Variants in ZNF846 observed in about 807,000 individuals in gnomAD.
ZNF846 encodes the protein zinc finger protein 420 pseudogene.
A neutral mutation model predicts 16.0 loss-of-function variants in ZNF846; 15 were observed. The observed-to-expected ratio is 0.94, with a 90% CI of 0.63 to 1.45. The LOEUF (loss-of-function observed/expected upper bound fraction) is 1.45. ZNF846 is among the 40% of genes most tolerant of loss of function. The pLI is 0.00. For synonymous variants in ZNF846, 229 were observed against 212.0 expected, an observed-to-expected ratio of 1.08 and a Z score of -0.70; for missense variants, 714 against 622.3, an observed-to-expected ratio of 1.15 and a Z score of -1.57.
intron 3 of ZNF846, 157 bp from the exon 4 acceptor site, chr19:9,762,325 C>T (rs776258437): frequency 3.3e-6 from 2 of 607,788 alleles, no homozygotes; most frequent in Admixed American, 5.9e-5. Flanking sequence ...AATACATGCA[C>T]TAAAACTATT....
upstream of ZNF846, among the ~76,000 whole-genome samples, chr19:9,771,602 G>C (rs2045391426): frequency 6.6e-6 from 1 of 152,092 alleles, no homozygotes. Context: ...CTCTATCCAG[G>C]TTGCTCAGAA....
chr19:9,756,676 T>G (rs184365530), downstream of ZNF846: 54 of 151,612 alleles, frequency 3.6e-4, 2 homozygotes, highest in African/African-American at 1.1e-3. Context: ...TTAAAAGGCA[T>G]AAGTGAAGAT....
At chr19:9,762,232 G>A in intron 3 of ZNF846, 64 bp from the exon 4 acceptor site, 1 of 1,278,990 alleles carries the variant, frequency 7.8e-7, no homozygotes, top group Non-Finnish European at 1.1e-6. Flanking sequence ...CCTTCAATGG[G>A]GAACCAATAC....
chr19:9,763,324 T>C, exon 3 of ZNF846: 3 of 1,611,602 alleles, frequency 1.9e-6, no homozygotes, highest in East Asian at 2.2e-5. Context: ...ATCACATCTC[T>C]GTAGAGATCT....
chr19:9,761,246 C>T (rs886105871), intron 4 of ZNF846, among the ~76,000 whole-genome samples: 2 of 151,734 alleles, frequency 1.3e-5, no homozygotes, highest in Non-Finnish European at 2.9e-5. Context: ...CTAAAAAGAG[C>T]TGATAGCTAC....
intron 4 of ZNF846, among the ~76,000 whole-genome samples, chr19:9,760,280 A>G (rs1460870617): frequency 6.8e-6 from 1 of 146,264 alleles, no homozygotes; most frequent in Non-Finnish European, 1.5e-5. Context: ...CTACAGAGCA[A>G]GACTTCGTCT....
chr19:9,773,307 G>A (rs988828419), upstream of ZNF846, among the ~76,000 whole-genome samples: 3 of 152,022 alleles, frequency 2.0e-5, no homozygotes, highest in Non-Finnish European at 4.4e-5. Context: ...GGCTATAGGC[G>A]TGCAACACCA....
chr19:9,774,613 T>A, intron 1 of ZNF846: 1 of 1,492,956 alleles, frequency 6.7e-7, no homozygotes. Context: ...AAGGGCTTAT[T>A]GTTCCTGACA....
intron 1 of ZNF846, among the ~76,000 whole-genome samples, chr19:9,781,432 T>C (rs528818916): frequency 6.6e-6 from 1 of 152,272 alleles, no homozygotes; most frequent in Non-Finnish European, 1.5e-5. Flanking sequence ...CACCCACTGT[T>C]AGGTGCACTC....
chr19:9,750,280 C>T (rs542855649), downstream of ZNF846, among the ~76,000 whole-genome samples: 3 of 152,280 alleles, frequency 2.0e-5, no homozygotes, highest in African/African-American at 7.2e-5. Flanking sequence ...CCTCCTCTTG[C>T]TTGCTTATAC....
chr19:9,765,322 C>T (rs942750956), intron 1 of ZNF846, among the ~76,000 whole-genome samples: 1 of 152,058 alleles, frequency 6.6e-6, no homozygotes, highest in African/African-American at 2.4e-5. Context: ...TTGCGGTGAG[C>T]CGACACCATG....
downstream of ZNF846, among the ~76,000 whole-genome samples, chr19:9,751,808 G>A (rs752243978): frequency 1.3e-5 from 2 of 152,044 alleles, no homozygotes; most frequent in Non-Finnish European, 2.9e-5. Flanking sequence ...AAAAAAAGTC[G>A]CTCCTAACTC....
chr19:9,760,217 C>T (rs566300194), intron 4 of ZNF846, among the ~76,000 whole-genome samples: 13 of 151,042 alleles, frequency 8.6e-5, no homozygotes, highest in Non-Finnish European at 1.6e-4. Flanking sequence ...CACTTGAACC[C>T]AGAGGGTGGA....
chr19:9,785,346 T>C (rs2045547288), intron 1 of ZNF846, among the ~76,000 whole-genome samples: 1 of 151,830 alleles, frequency 6.6e-6, no homozygotes, highest in South Asian at 2.1e-4. Context: ...TACAGGCGCC[T>C]GCCAGCATGC....
At chr19:9,755,347 A>C (rs1018464082), downstream of ZNF846, among the ~76,000 whole-genome samples, 3 of 151,588 alleles carry the variant, frequency 2.0e-5, no homozygotes, top group African/African-American at 7.3e-5. Flanking sequence ...AGACACATAG[A>C]AAGGCAATCT....
At chr19:9,755,597 G>A (rs1051973010), downstream of ZNF846, 1 of 149,930 alleles carries the variant, frequency 6.7e-6, no homozygotes, top group Non-Finnish European at 1.5e-5. Context: ...TCAGGAGATC[G>A]AGACCATCCC....
At chr19:9,756,125 T>A (rs2045131654), downstream of ZNF846, 1 of 149,344 alleles carries the variant, frequency 6.7e-6, no homozygotes, top group African/African-American at 2.5e-5. Context: ...CAAGCATGAG[T>A]CACCACGCCC....
At chr19:9,771,137 C>T (rs2045386688), upstream of ZNF846, among the ~76,000 whole-genome samples, 1 of 151,810 alleles carries the variant, frequency 6.6e-6, no homozygotes. Context: ...CCCACCCTTC[C>T]CCCAGAGTCC....
downstream of ZNF846, among the ~76,000 whole-genome samples, chr19:9,754,772 G>T (rs1221595105): frequency 1.3e-5 from 2 of 150,612 alleles, no homozygotes; most frequent in Admixed American, 6.6e-5. Flanking sequence ...CTACATTACT[G>T]CCTTTTTTGT....
Sources: gnomAD v4.1 joint callset for allele counts (sites outside exome capture counted in the v4.1 genomes callset) on GRCh38, gnomAD v4.1.1 for gene constraint, MANE v1.5 for transcripts, NCBI Gene and HGNC (gene_info 2026-07-23, HGNC 2026-07-21) for gene names.